Variants in ADAMTSL1 observed in about 807,000 individuals in gnomAD.
The protein encoded by ADAMTSL1 is ADAMTS-like protein 1.
Under a neutral mutation model 201.8 loss-of-function variants are expected in ADAMTSL1, and 126 were observed. The ratio of observed to expected loss-of-function variants is 0.62; its 90% CI spans 0.54 to 0.72. ADAMTSL1 has a LOEUF of 0.72. ADAMTSL1 is among the 30% of genes least tolerant of loss of function. The pLI is 0.00. For synonymous variants in ADAMTSL1, 1,121 were observed against 903.4 expected, an observed-to-expected ratio of 1.24 and a Z score of -4.32; for missense variants, 2,679 against 2,277.8, an observed-to-expected ratio of 1.18 and a Z score of -3.59.
chr9:18,616,852 A>G (rs185326912), intron 4 of ADAMTSL1, among the ~76,000 whole-genome samples: 20 of 152,334 alleles, frequency 1.3e-4, no homozygotes, highest in African/African-American at 4.3e-4. Flanking sequence ...AAGGTTAAGC[A>G]TAAGCAAATT....
At chr9:18,313,721 C>T (rs1834243416) in intron 2 of ADAMTSL1, among the ~76,000 whole-genome samples, 1 of 152,128 alleles carries the variant, frequency 6.6e-6, no homozygotes, top group Non-Finnish European at 1.5e-5. Context: ...GAGCAGTGTT[C>T]TAGGAGTTTC....
At chr9:17,950,490 A>C (rs1827691581) in intron 1 of ADAMTSL1, among the ~76,000 whole-genome samples, 1 of 151,636 alleles carries the variant, frequency 6.6e-6, no homozygotes, top group Non-Finnish European at 1.5e-5. Flanking sequence ...ACTTTTATCA[A>C]ATATGTGTAT....
intron 1 of ADAMTSL1, among the ~76,000 whole-genome samples, chr9:17,965,477 T>C (rs1435429594): frequency 6.6e-6 from 1 of 152,184 alleles, no homozygotes; most frequent in Non-Finnish European, 1.5e-5. Context: ...TGTTAATTAC[T>C]AACTGATGTG....
intron 7 of ADAMTSL1, among the ~76,000 whole-genome samples, chr9:18,641,689 C>A (rs1447181926): frequency 6.6e-6 from 1 of 151,810 alleles, no homozygotes; most frequent in Non-Finnish European, 1.5e-5. Context: ...TATTGAAGTA[C>A]GTACAGAAAA....
intron 1 of ADAMTSL1, among the ~76,000 whole-genome samples, chr9:18,023,265 A>T (rs1380758044): frequency 1.3e-5 from 2 of 152,096 alleles, no homozygotes; most frequent in African/African-American, 4.8e-5. Context: ...CCTCTCCCAA[A>T]GTATCAGCTT....
chr9:18,451,353 A>G (rs1007006568), intron 2 of ADAMTSL1, among the ~76,000 whole-genome samples: 2 of 152,228 alleles, frequency 1.3e-5, no homozygotes, highest in African/African-American at 4.8e-5. Flanking sequence ...TAATTAGTTT[A>G]GAAGTGATTT....
intron 2 of ADAMTSL1, among the ~76,000 whole-genome samples, chr9:18,446,933 G>C (rs1255152136): frequency 6.6e-6 from 1 of 150,506 alleles, no homozygotes; most frequent in East Asian, 1.9e-4. Flanking sequence ...CAGTTTTGAG[G>C]GATAAAACTT....
chr9:18,407,620 T>C (rs544995881), intron 2 of ADAMTSL1, among the ~76,000 whole-genome samples: 26 of 152,250 alleles, frequency 1.7e-4, no homozygotes, highest in African/African-American at 6.0e-4. Context: ...TAGTTTCAAA[T>C]ACAGCTGAGA....
At chr9:18,310,790 C>A (rs150487754) in intron 2 of ADAMTSL1, among the ~76,000 whole-genome samples, 1 of 151,994 alleles carries the variant, frequency 6.6e-6, no homozygotes, top group Non-Finnish European at 1.5e-5. Flanking sequence ...GTGGAAGGCA[C>A]TGTGGCAATT....
chr9:18,632,991 C>T (rs1412838903), intron 5 of ADAMTSL1, among the ~76,000 whole-genome samples: 1 of 152,180 alleles, frequency 6.6e-6, no homozygotes, highest in Non-Finnish European at 1.5e-5. Flanking sequence ...CACACCCTGT[C>T]TTCTTTAGGG....
chr9:17,981,004 A>C (rs756474778), intron 1 of ADAMTSL1, among the ~76,000 whole-genome samples: 2 of 152,126 alleles, frequency 1.3e-5, no homozygotes, highest in East Asian at 1.9e-4. Flanking sequence ...GTGGAGGGAG[A>C]ACTCACTCAT....
At chr9:18,390,258 C>G (rs1255977742) in intron 2 of ADAMTSL1, among the ~76,000 whole-genome samples, 1 of 152,122 alleles carries the variant, frequency 6.6e-6, no homozygotes. Context: ...CAAACCATTT[C>G]TGTTACAGAA....
At chr9:18,713,223 T>C (rs537411512) in intron 14 of ADAMTSL1, among the ~76,000 whole-genome samples, 2 of 151,074 alleles carry the variant, frequency 1.3e-5, no homozygotes, top group African/African-American at 4.9e-5. Flanking sequence ...AACATCATAA[T>C]GACAGGATCA....
intron 1 of ADAMTSL1, among the ~76,000 whole-genome samples, chr9:17,936,505 G>A (rs980238416): frequency 3.3e-5 from 5 of 152,096 alleles, no homozygotes; most frequent in African/African-American, 1.2e-4. Flanking sequence ...TTTCCCTTCC[G>A]TAAAGGCAGG....
At chr9:17,986,999 T>C (rs777386372) in intron 1 of ADAMTSL1, among the ~76,000 whole-genome samples, 1 of 152,150 alleles carries the variant, frequency 6.6e-6, no homozygotes, top group Non-Finnish European at 1.5e-5. Context: ...TGAAATTAAG[T>C]ACAGATTTAC....
chr9:18,632,057 C>T (rs16936919), intron 5 of ADAMTSL1, among the ~76,000 whole-genome samples: 5,956 of 152,226 alleles, frequency 0.039, 165 homozygotes, highest in East Asian at 0.12. Context: ...ATGTGCAGCA[C>T]GGTGGGAGAG....
chr9:18,606,609 C>G (rs997488186), intron 4 of ADAMTSL1, among the ~76,000 whole-genome samples: 1 of 152,108 alleles, frequency 6.6e-6, no homozygotes, highest in South Asian at 2.1e-4. Flanking sequence ...GACTAAATCC[C>G]AATTCTGTCA....
intron 13 of ADAMTSL1, among the ~76,000 whole-genome samples, chr9:18,686,184 G>A (rs888202185): frequency 6.6e-6 from 1 of 152,112 alleles, no homozygotes; most frequent in Non-Finnish European, 1.5e-5. Context: ...GCCTCCCAAA[G>A]TACTGGGATT....
chr9:18,167,747 G>C (rs1475504605), intron 2 of ADAMTSL1, among the ~76,000 whole-genome samples: 1 of 151,878 alleles, frequency 6.6e-6, no homozygotes, highest in African/African-American at 2.4e-5. Context: ...CCTGTCAATA[G>C]AAATGAAATA....
Sources: allele counts gnomAD v4.1 joint callset (sites outside exome capture counted in the v4.1 genomes callset), GRCh38; gene constraint gnomAD v4.1.1; transcripts MANE v1.5; gene names NCBI Gene and HGNC (gene_info 2026-07-23, HGNC 2026-07-21).